Variants in ATP9B observed in about 807,000 individuals in gnomAD.
The protein encoded by ATP9B is ATPase phospholipid transporting 9B, also known as probable phospholipid-transporting ATPase IIB.
Under a neutral mutation model 146.1 loss-of-function variants are expected in ATP9B, and 110 were observed. The ratio of observed to expected loss-of-function variants is 0.75; its 90% CI spans 0.65 to 0.88. The LOEUF is 0.88. ATP9B is among the 40% of genes least tolerant of loss of function. The pLI is 0.00. For synonymous variants in ATP9B, 604 were observed against 569.7 expected (o/e 1.06, Z -0.86); for missense variants, 1,499 against 1,496.4 (o/e 1.00, Z -0.03).
intron 15 of ATP9B, among the ~76,000 whole-genome samples, chr18:79,324,005 G>GAT (rs1196573978): frequency 1.3e-5 from 2 of 152,178 alleles, no homozygotes; most frequent in African/African-American, 4.8e-5. Flanking sequence ...GGGGTGAGGT[G>GAT]ATACCTCATT....
intron 26 of ATP9B, among the ~76,000 whole-genome samples, chr18:79,368,112 G>A (rs1034339344): frequency 3.9e-5 from 6 of 152,220 alleles, no homozygotes; most frequent in Admixed American, 1.3e-4. Flanking sequence ...CCGTGGCCCC[G>A]GGTGAGCTGG....
intron 26 of ATP9B, among the ~76,000 whole-genome samples, chr18:79,371,370 TAAAAAAAAAAAAAAAAA>T (rs59110010): frequency 3.1e-5 from 3 of 98,118 alleles, no homozygotes; most frequent in Non-Finnish European, 5.8e-5. Context: ...GACTCCGTCT[TAAAAAAAAAAAAAAAAA>T]AAAAAAAAAA....
rs767233188 is a variant in ATP9B, at chr18:79,207,023, C to T, written c.1030+11C>T. The T allele has an allele frequency of 1.2e-6, 2 of 1,611,364 alleles. No homozygotes were observed. Among genetic ancestry groups the T allele is most frequent in the Non-Finnish European group, 1.7e-6 (2 of 1,177,550 alleles). Reference sequence around the variant, plus strand: ...CCATTGTTGCATCAGGTAAGGAAAACATTCTCCTCTGAGTGTGATTGCTCC... The same window carrying T: ...CCATTGTTGCATCAGGTAAGGAAAATATTCTCCTCTGAGTGTGATTGCTCC... On this transcript the variant is annotated intron_variant, in intron 10 of 29. Transcript: ENST00000426216.
At chr18:79,080,820 T>C (rs979239699) in intron 1 of ATP9B, among the ~76,000 whole-genome samples, 1 of 152,248 alleles carries the variant, frequency 6.6e-6, no homozygotes, top group African/African-American at 2.4e-5. Context: ...ATTGAGAGTT[T>C]TCAGCATGAA....
chr18:79,096,544 A>T lies in ATP9B; in HGVS notation c.188A>T (p.Glu63Val). 6.2e-7 allele frequency: 1 copy of T among 1,614,082 alleles called. No individual in the cohort carries two copies. Residue 63 changes from glutamate (E) to valine (V), a missense_variant, in exon 2 of 30, where the codon GAG becomes GTG. Transcript: ENST00000426216. ...CTAATGATGTCTGAAGAAGGCTTTG[A>T]GAATGAGGAAAGTGATTACCACACC... is the stretch of plus-strand genomic sequence containing the variant. ...MPLMMSEEGF[E>V]NEESDYHTLP...
rs772245175 is a variant in ATP9B, at chr18:79,335,600, C to T, written c.2029-1028C>T. On this transcript the variant is annotated intron_variant, in intron 17 of 29. Coordinates refer to ENST00000426216, the MANE Select transcript of ATP9B (RefSeq NM_198531.5). ...GCAGGGCTCCCCCAACTCTGGAAGG[C>T]GAATGCAGGGTGAGGCTTGTGAGCT... Among the ~76,000 whole-genome samples, 40 of 152,314 alleles carry T rather than the reference C, an allele frequency of 2.6e-4. 1 individual carries two copies. The highest frequency in any genetic ancestry group is 9.1e-4 in the African/African-American group (38 of 41,570).
chr18:79,144,742 T>TTTTTTAA (rs1234322147), intron 6 of ATP9B: 1 of 133,102 alleles, frequency 7.5e-6, no homozygotes, highest in Admixed American at 7.3e-5. Context: ...TTTATTCTTA[T>TTTTTTAA]TTTTATTTTT....
intron 27 of ATP9B, among the ~76,000 whole-genome samples, chr18:79,373,370 T>C (rs2097083784): frequency 6.6e-6 from 1 of 152,224 alleles, no homozygotes. Flanking sequence ...ATTAAAAAGT[T>C]TGTCTGCCTC....
rs78974768 is a variant in ATP9B, at chr18:79,365,029, C to CAA, written c.3012+5577_3012+5578dup. On this transcript the variant is annotated intron_variant, in intron 26 of 29. Coordinates refer to ENST00000426216, the MANE Select transcript of ATP9B (RefSeq NM_198531.5). Reference sequence around the variant, plus strand: ...TGGGTGACAGAGCGAGACCTTGTCTCAAAAAAAAAAAGTTTTTCTCTCTGA... The same window carrying CAA: ...TGGGTGACAGAGCGAGACCTTGTCTCAAAAAAAAAAAAAGTTTTTCTCTCTGA... 2.8e-4 allele frequency among the ~76,000 whole-genome samples: 41 copies of CAA among 145,064 alleles called. No homozygotes were observed. In the East Asian group the frequency reaches 3.8e-3, roughly 13 times the overall value.
intron 25 of ATP9B, among the ~76,000 whole-genome samples, chr18:79,350,606 G>T (rs754049754): frequency 4.6e-5 from 7 of 152,204 alleles, no homozygotes; most frequent in Non-Finnish European, 8.8e-5. Context: ...GATGGAAATG[G>T]TGGTAGGATT....
At chr18:79,373,426 G>T (rs1347295896) in intron 27 of ATP9B, among the ~76,000 whole-genome samples, 2 of 150,902 alleles carry the variant, frequency 1.3e-5, no homozygotes, top group Non-Finnish European at 2.9e-5. Context: ...ATCTTATTTT[G>T]TCCATAATCC....
rs1323194090 is a variant in ATP9B, at chr18:79,329,190, G to A, written c.1823G>A (p.Arg608Lys). Residue 608 changes from arginine (R) to lysine (K), a missense_variant, in exon 16 of 30, where the codon AGG becomes AAG. By Grantham distance (26) the Arg-to-Lys change is conservative. Transcript: ENST00000426216. ...TESVGLTLVS[R>K]DLTSMQLKTP... ...AGTGTGGGCCTCACGCTGGTCAGCA[G>A]GGACCTCACCTCCATGCAGCTGAAG... 6 of 1,611,660 alleles carry A rather than the reference G, an allele frequency of 3.7e-6. No homozygotes were observed. Among genetic ancestry groups the A allele is most frequent in the East Asian group, 4.5e-5 (2 of 44,858 alleles).
rs182659063 is a variant in ATP9B at position 79,215,639 on chromosome 18, A to G, written c.1107+1601A>G. Among the ~76,000 whole-genome samples, 7 of 152,318 alleles carry G rather than the reference A, an allele frequency of 4.6e-5. No individual in the cohort carries two copies. The East Asian group carries it at 1.4e-3, about 29-fold the overall frequency. On this transcript the variant is annotated intron_variant, in intron 11 of 29. Transcript: ENST00000426216. The stretch of plus-strand genomic sequence containing the variant: ...TAGAGTTAGAATCACATACGTATTT[A>G]TATGTGTTTTCTGATAAGTGCTATG...
chr18:79,071,013 TTC>T (rs1409130548), intron 1 of ATP9B, among the ~76,000 whole-genome samples: 2 of 151,960 alleles, frequency 1.3e-5, no homozygotes, highest in African/African-American at 2.4e-5. Flanking sequence ...ATTATCTGTG[TTC>T]TGTTTCTTCT....
intron 12 of ATP9B, among the ~76,000 whole-genome samples, 187 bp from the exon 13 acceptor site, chr18:79,276,867 G>A (rs2096315676): frequency 6.6e-6 from 1 of 152,232 alleles, no homozygotes; most frequent in South Asian, 2.1e-4. Context: ...CCATGAGCCT[G>A]AATGTGTGGC....
intron 10 of ATP9B, among the ~76,000 whole-genome samples, chr18:79,212,877 A>C (rs1342563058): frequency 1.3e-5 from 2 of 152,176 alleles, no homozygotes; most frequent in African/African-American, 4.8e-5. Flanking sequence ...AGTGACACTC[A>C]ATTAAAAGAG....
intron 11 of ATP9B, among the ~76,000 whole-genome samples, chr18:79,216,870 G>A (rs1437895004): frequency 6.6e-6 from 1 of 152,238 alleles, no homozygotes; most frequent in Non-Finnish European, 1.5e-5. Flanking sequence ...ATGTAAAAGT[G>A]TTCTTTCAGT....
intron 1 of ATP9B, among the ~76,000 whole-genome samples, chr18:79,072,435 A>G (rs963905338): frequency 1.3e-5 from 2 of 152,228 alleles, no homozygotes; most frequent in African/African-American, 4.8e-5. Flanking sequence ...TGGAGTTGAC[A>G]CAGCACATGT....
chr18:79,092,424 T>C (rs1314279848), intron 1 of ATP9B, among the ~76,000 whole-genome samples: 1 of 152,106 alleles, frequency 6.6e-6, no homozygotes, highest in Non-Finnish European at 1.5e-5. Flanking sequence ...ACATAAAAAA[T>C]CATACAGGAC....
Sources: gnomAD v4.1 joint callset for allele counts (sites outside exome capture counted in the v4.1 genomes callset) on GRCh38, gnomAD v4.1.1 for gene constraint, MANE v1.5 for transcripts, NCBI Gene and HGNC (gene_info 2026-07-23, HGNC 2026-07-21) for gene names.